CDCA2: variants seen among roughly 807,000 people sequenced by gnomAD.
The protein encoded by CDCA2 is cell division cycle associated 2, also known as cell division cycle-associated protein 2.
Under a neutral mutation model 67.0 loss-of-function variants are expected in CDCA2, and 44 were observed. That is an observed-to-expected ratio of 0.66 (90% confidence interval 0.52 to 0.84). CDCA2 has a LOEUF of 0.84. Among genes scored for constraint, CDCA2 ranks in the 40% least tolerant of loss-of-function variants. The pLI is 0.00. For synonymous variants in CDCA2, 447 were observed against 418.7 expected, an observed-to-expected ratio of 1.07 and a Z score of -0.82; for missense variants, 1,253 against 1,203.2, an observed-to-expected ratio of 1.04 and a Z score of -0.61.
chr8:25,502,544 T>C (rs566755725), intron 13 of CDCA2, among the ~76,000 whole-genome samples: 1 of 152,018 alleles, frequency 6.6e-6, no homozygotes, highest in African/African-American at 2.4e-5. Flanking sequence ...TGAATCTTGA[T>C]TAAGTCATCT....
intron 5 of CDCA2, among the ~76,000 whole-genome samples, chr8:25,467,041 CAAAAA>C (rs59618544): frequency 8.1e-5 from 4 of 49,182 alleles, no homozygotes; most frequent in African/African-American, 4.0e-4. Flanking sequence ...GAGTCCCTTT[CAAAAA>C]AAAAAAAAAA....
At chr8:25,506,111 C>T (rs1020959172) in intron 14 of CDCA2, among the ~76,000 whole-genome samples, 1 of 152,148 alleles carries the variant, frequency 6.6e-6, no homozygotes, top group African/African-American at 2.4e-5. Context: ...TCGGAGGATA[C>T]ATTGGTAGAA....
intron 13 of CDCA2, among the ~76,000 whole-genome samples, chr8:25,497,776 G>A (rs1272860951): frequency 1.3e-5 from 2 of 152,110 alleles, no homozygotes; most frequent in Non-Finnish European, 2.9e-5. Context: ...TTCCCAATGT[G>A]TACATATGTC....
rs117764047 is a variant in CDCA2, at chr8:25,474,006, T to C, written c.820+4026T>C. Among the ~76,000 whole-genome samples, 5 of 152,336 alleles carry C rather than the reference T, an allele frequency of 3.3e-5. No homozygotes were observed. The East Asian group carries it at 7.7e-4, about 23-fold the overall frequency. On this transcript the variant is annotated intron_variant, in intron 7 of 14. Coordinates refer to ENST00000330560, the MANE Select transcript of CDCA2 (RefSeq NM_152562.4). ...TGGGCAGAGGGCCAAAGAATAATTATGAATAATTTCACAATGATCTGGTTA... is the reference window on the plus strand; with the variant it reads ...TGGGCAGAGGGCCAAAGAATAATTACGAATAATTTCACAATGATCTGGTTA...
intron 13 of CDCA2, among the ~76,000 whole-genome samples, chr8:25,495,532 G>A (rs549038280): frequency 1.4e-4 from 21 of 151,578 alleles, no homozygotes; most frequent in Admixed American, 2.6e-4. Flanking sequence ...CTCCTGCCTC[G>A]GCCTCCCGAG....
intron 13 of CDCA2, among the ~76,000 whole-genome samples, chr8:25,496,806 T>C (rs967655358): frequency 2.0e-5 from 3 of 152,154 alleles, no homozygotes; most frequent in Non-Finnish European, 4.4e-5. Flanking sequence ...TCAATAGGAA[T>C]GTAAATTGCT....
At position 25,487,232 on chromosome 8, in the gene CDCA2, G is replaced by T. The variant is rs1276516730; in HGVS notation, c.1445-14G>T. The T allele has an allele frequency of 6.3e-7, 1 of 1,580,518 alleles. No individual in the cohort carries two copies. Among genetic ancestry groups the T allele is most frequent in the Admixed American group, 1.7e-5 (1 of 59,482 alleles). On this transcript the variant is annotated splice_polypyrimidine_tract_variant and intron_variant, in intron 11 of 14. Coordinates refer to ENST00000330560, the MANE Select transcript of CDCA2 (RefSeq NM_152562.4). ...GGTTTCCTACCCTGATTTAGCTTTT[G>T]TCTTGTTTATCAGGCACTGATACCT...
chr8:25,481,345 C>CT (rs1487929117), intron 8 of CDCA2, among the ~76,000 whole-genome samples: 1 of 151,916 alleles, frequency 6.6e-6, no homozygotes, highest in Non-Finnish European at 1.5e-5. Context: ...CTCTTACTTT[C>CT]TAACAATATG....
In CDCA2 at chr8:25,507,225, C is replaced by G; in HGVS notation, c.2559C>G (p.Ser853=). ...AAAAAAATGGAAATCACACACCATC[C>G]TCCAGTGTGGGCAGCTCTGTAGAAA... The part of the protein sequence containing the change: ...HLEKNGNHTP[S]SSVGSSVEIS... Residue 853 remains serine (S), a synonymous_variant, in exon 15 of 15, where the codon TCC becomes TCG. Coordinates refer to ENST00000330560, the MANE Select transcript of CDCA2 (RefSeq NM_152562.4). The G allele has an allele frequency of 6.2e-7, 1 of 1,614,124 alleles. No individual in the cohort carries two copies. Among genetic ancestry groups the G allele is most frequent in the Non-Finnish European group, 8.5e-7 (1 of 1,180,018 alleles).
chr8:25,489,806 G>T (rs1803931522), intron 13 of CDCA2, among the ~76,000 whole-genome samples: 1 of 151,972 alleles, frequency 6.6e-6, no homozygotes, highest in African/African-American at 2.4e-5. Context: ...TTATCTTCTG[G>T]GTAATTTCAT....
At position 25,503,450 on chromosome 8, in the gene CDCA2, T is replaced by TGG; in HGVS notation, c.1750_1751insGG (p.Ala584GlyfsTer20). On this transcript the variant is annotated frameshift_variant, in exon 14 of 15. Coordinates refer to ENST00000330560, the MANE Select transcript of CDCA2 (RefSeq NM_152562.4). LOFTEE classifies it high-confidence loss of function. ...AATCTTTATATGGGGAAAGAGACAT[T>TGG]GCTTCTAAGAAGCCCCTCCTCAGTC... 1 of 1,613,856 alleles carries TGG rather than the reference T, an allele frequency of 6.2e-7. No individual in the cohort carries two copies. The highest frequency in any genetic ancestry group is 2.2e-5 in the East Asian group (1 of 44,894).
chr8:25,500,370 A>G (rs1289792217), intron 13 of CDCA2, among the ~76,000 whole-genome samples: 1 of 152,120 alleles, frequency 6.6e-6, no homozygotes, highest in Non-Finnish European at 1.5e-5. Flanking sequence ...AATACTAATA[A>G]CATAATTTAA....
At chr8:25,490,163 A>G (rs138794346) in intron 13 of CDCA2, among the ~76,000 whole-genome samples, 1 of 152,184 alleles carries the variant, frequency 6.6e-6, no homozygotes, top group Non-Finnish European at 1.5e-5. Context: ...ATTCAAAAAT[A>G]TACATACAAC....
At chr8:25,470,016 C>T (rs371818154) in intron 7 of CDCA2, 36 bp downstream of exon 7, 53 of 1,358,232 alleles carry the variant, frequency 3.9e-5, no homozygotes, top group Middle Eastern at 1.8e-4. Flanking sequence ...GCCAGTTGCC[C>T]GATTCATAGA....
intron 13 of CDCA2, among the ~76,000 whole-genome samples, chr8:25,490,628 G>T (rs1712445830): frequency 6.6e-6 from 1 of 152,114 alleles, no homozygotes; most frequent in Non-Finnish European, 1.5e-5. Context: ...GAAAAACAGA[G>T]AAATGAATTG....
rs144981207 is a variant in CDCA2, at chr8:25,492,054, C to T, written c.1671+3365C>T. On this transcript the variant is annotated intron_variant, in intron 13 of 14. Coordinates refer to ENST00000330560, the MANE Select transcript of CDCA2 (RefSeq NM_152562.4). The stretch of plus-strand genomic sequence containing the variant: ...CTCATGATCTGCCTTCCTCGGCCTC[C>T]CAAAGTGCTGGGATTACAGGCGTGA... Among the ~76,000 whole-genome samples, 317 of 152,056 alleles carry T rather than the reference C, an allele frequency of 2.1e-3. 4 individuals carry two copies. The highest frequency in any genetic ancestry group is 7.4e-3 in the African/African-American group (305 of 41,470).
At chr8:25,497,946 A>G (rs1017826067) in intron 13 of CDCA2, among the ~76,000 whole-genome samples, 1 of 152,196 alleles carries the variant, frequency 6.6e-6, no homozygotes, top group Non-Finnish European at 1.5e-5. Context: ...TAGTGAGCCA[A>G]ATCTAGGACT....
In CDCA2 at chr8:25,462,212, T is replaced by C. The variant is rs1481879241; in HGVS notation, c.387+4T>C. 1.9e-6 allele frequency: 3 copies of C among 1,613,764 alleles called. No individual in the cohort carries two copies. Among genetic ancestry groups the C allele is most frequent in the South Asian group, 1.1e-5 (1 of 91,072 alleles). ...GGCACAAGATTCTCCTTCCCAGGTA[T>C]GATTTTCTTCTAAGTTCTGTCGTGA... is the stretch of plus-strand genomic sequence containing the variant. On this transcript the variant is annotated splice_donor_region_variant and intron_variant, in intron 4 of 14. Transcript: ENST00000330560.
At chr8:25,459,566 C>T (rs960378398) in intron 1 of CDCA2, 93 bp downstream of exon 1, 1 of 153,382 alleles carries the variant, frequency 6.5e-6, no homozygotes, top group Non-Finnish European at 1.5e-5. Flanking sequence ...ATTAGTACTC[C>T]TGTCAGGAGC....
Sources: gnomAD v4.1 joint callset for allele counts (sites outside exome capture counted in the v4.1 genomes callset) on GRCh38, gnomAD v4.1.1 for gene constraint, MANE v1.5 for transcripts, NCBI Gene and HGNC (gene_info 2026-07-23, HGNC 2026-07-21) for gene names.